CFAP91: variants seen among roughly 807,000 people sequenced by gnomAD.
CFAP91 encodes the protein cilia- and flagella-associated protein 91.
CFAP91 carries 85 observed loss-of-function variants against 95.9 expected under a neutral mutation model. That is an observed-to-expected ratio of 0.89 (90% CI 0.74 to 1.06). The LOEUF (loss-of-function observed/expected upper bound fraction) is 1.06, where lower values mean the gene tolerates loss of function less well. CFAP91 is among the 50% of genes least tolerant of loss of function. The pLI is 0.00. For synonymous variants in CFAP91, 335 were observed against 327.5 expected, an observed-to-expected ratio of 1.02 and a Z score of -0.25; for missense variants, 962 against 943.4, an observed-to-expected ratio of 1.02 and a Z score of -0.26.
At chr3:119,703,487 G>A (rs2053298997) in intron 1 of CFAP91, among the ~76,000 whole-genome samples, 1 of 152,200 alleles carries the variant, frequency 6.6e-6, no homozygotes, top group Non-Finnish European at 1.5e-5. Context: ...TGTTCCGGGC[G>A]TTTTGGTACC....
intron 6 of CFAP91, among the ~76,000 whole-genome samples, chr3:119,722,293 C>A (rs1272107856): frequency 6.6e-6 from 1 of 151,620 alleles, no homozygotes; most frequent in African/African-American, 2.4e-5. Context: ...CCCGTCTCTA[C>A]TAAAAATACA....
chr3:119,714,128 A>C (rs764151601), intron 5 of CFAP91, among the ~76,000 whole-genome samples: 4 of 151,848 alleles, frequency 2.6e-5, no homozygotes, highest in Non-Finnish European at 4.4e-5. Context: ...TTTGGGAGGC[A>C]GAGACGGGCG....
chr3:119,707,313 A>G (rs757527715), intron 2 of CFAP91, 91 bp from the exon 3 acceptor site: 9 of 975,818 alleles, frequency 9.2e-6, no homozygotes, highest in East Asian at 4.9e-5. Context: ...ATTGTTTTGT[A>G]TGTTTTTAAA....
chr3:119,747,777 A>G lies in CFAP91; in HGVS notation c.2052-34A>G, dbSNP rs760266397. The G allele has an allele frequency of 7.6e-6, 12 of 1,584,572 alleles. No homozygotes were observed. The African/African-American group carries it at 1.2e-4, about 16-fold the overall frequency. On this transcript the variant is annotated intron_variant, in intron 15 of 17. Coordinates refer to ENST00000273390, the MANE Select transcript of CFAP91 (RefSeq NM_033364.4). ...AATCAGCAGCTCAAGTGAAAAAACC[A>G]AAGAAATAATTCAATTTGTTTTATA...
chr3:119,744,047 A>G lies in CFAP91; in HGVS notation c.1753A>G (p.Lys585Glu), dbSNP rs2054173323. ...AGCAGACATGTTTGACTTCCTGTCC[A>G]AAGAGCTGGTGAGACTGCAGGAGGA... ...ALADMFDFLS[K>E]ELVRLQEERR... Residue 585 changes from lysine to glutamate, a missense_variant, in exon 14 of 18, where the codon AAA (lysine) becomes GAA (glutamate). Physicochemically the swap from Lys to Glu is moderately conservative, Grantham distance 56 (BLOSUM62 1). Coordinates refer to ENST00000273390, the MANE Select transcript of CFAP91 (RefSeq NM_033364.4). The G allele has an allele frequency of 3.1e-6, 5 of 1,614,156 alleles. No individual in the cohort carries two copies. The highest frequency in any genetic ancestry group is 1.6e-4 in the Middle Eastern group (1 of 6,062).
At chr3:119,703,570 A>G (rs1417933796) in intron 1 of CFAP91, among the ~76,000 whole-genome samples, 1 of 152,232 alleles carries the variant, frequency 6.6e-6, no homozygotes, top group Non-Finnish European at 1.5e-5. Flanking sequence ...TACAAAAATG[A>G]TCTTTTCTCT....
chr3:119,703,799 C>T (rs935159306), intron 1 of CFAP91, among the ~76,000 whole-genome samples: 1 of 152,138 alleles, frequency 6.6e-6, no homozygotes, highest in Admixed American at 6.5e-5. Context: ...CTCCACGCTC[C>T]TTGAGTTCCT....
At chr3:119,721,474 C>T (rs2053683176) in intron 6 of CFAP91, among the ~76,000 whole-genome samples, 1 of 152,154 alleles carries the variant, frequency 6.6e-6, no homozygotes, top group African/African-American at 2.4e-5. Flanking sequence ...AGATCTTAGC[C>T]CAGAGTTTAT....
chr3:119,753,274 G>T (rs1311511468), intron 17 of CFAP91, among the ~76,000 whole-genome samples: 2 of 152,216 alleles, frequency 1.3e-5, no homozygotes, highest in East Asian at 3.9e-4. Flanking sequence ...CTTGAGTCAA[G>T]GTTGGGGCCC....
chr3:119,704,291 T>A (rs2053318516), intron 1 of CFAP91, among the ~76,000 whole-genome samples: 1 of 152,244 alleles, frequency 6.6e-6, no homozygotes, highest in Admixed American at 6.5e-5. Context: ...TTGCTAAATG[T>A]TTCCATGTCC....
Position 119,767,054 on chromosome 3 carries a change from T to A in CFAP91, c.*2004T>A, listed in dbSNP as rs1481674753. On this transcript the variant is annotated 3_prime_UTR_variant, in exon 18 of 18. Transcript: ENST00000273390. ...CTCCAACTTTTCTAATTTTTGCTTT[T>A]GAAAATAAAACACCTATAGTGACAA... The A allele has an allele frequency of 6.6e-6, 1 of 152,170 alleles. No individual in the cohort carries two copies. The highest frequency in any genetic ancestry group is 1.9e-4 in the East Asian group (1 of 5,190). The allele number at this position is 152,170 out of a possible 1,614,324, so 9.4% of individuals were successfully genotyped here.
At chr3:119,743,165 T>C (rs1421993503) in intron 13 of CFAP91, among the ~76,000 whole-genome samples, 1 of 150,658 alleles carries the variant, frequency 6.6e-6, no homozygotes, top group Admixed American at 6.6e-5. Flanking sequence ...AGATGGAGTC[T>C]CACTCTGTCA....
At chr3:119,720,115 G>A (rs1174186407) in intron 6 of CFAP91, among the ~76,000 whole-genome samples, 4 of 150,508 alleles carry the variant, frequency 2.7e-5, no homozygotes, top group African/African-American at 9.8e-5. Context: ...GGGGCCGGAC[G>A]CGGTGGCTCA....
chr3:119,728,411 T>C (rs2053827787), intron 7 of CFAP91, among the ~76,000 whole-genome samples: 1 of 152,156 alleles, frequency 6.6e-6, no homozygotes, highest in Non-Finnish European at 1.5e-5. Flanking sequence ...CACTCTTAAA[T>C]TTGAGACTAT....
intron 6 of CFAP91, chr3:119,716,059 A>G (rs2107864296): frequency 1.9e-6 from 1 of 521,050 alleles, no homozygotes; most frequent in Non-Finnish European, 3.4e-6. Context: ...TCATTGAGCA[A>G]TCATACTTCT....
rs1559744521 is a variant in CFAP91 at position 119,706,796 on chromosome 3, G to A, written c.125-13G>A. 1 of 1,603,352 alleles carries A rather than the reference G, an allele frequency of 6.2e-7. No individual in the cohort carries two copies. Among genetic ancestry groups the A allele is most frequent in the Middle Eastern group, 1.7e-4 (1 of 6,044 alleles). ...GTTCTATCTGTTATGCTACTTGATT[G>A]TTTATTTTGCAGATCCATTGTTTAT... On this transcript the variant is annotated splice_polypyrimidine_tract_variant and intron_variant, in intron 1 of 17. Transcript: ENST00000273390.
rs202065099 is a variant in CFAP91 at position 119,744,143 on chromosome 3, C to G, written c.1849C>G (p.Arg617Gly). ...RRVREAEESG[R>G]RQVEKQRLRE... ...GGTACGAGAGGCTGAAGAGAGTGGT[C>G]GGCGCCAGGTGGAAAAACAGCGCCT... The change falls in exon 14 of 18, where the codon CGG becomes GGG. Residue 617 changes from arginine (R) to glycine (G), a missense_variant. By Grantham distance (125) the Arg-to-Gly change is moderately radical (BLOSUM62 -2). Coordinates refer to ENST00000273390, the MANE Select transcript of CFAP91 (RefSeq NM_033364.4). 3.1e-6 allele frequency: 5 copies of G among 1,613,590 alleles called. No homozygotes were observed. The South Asian group carries it at 4.4e-5, about 14-fold the overall frequency.
At chr3:119,738,018 T>C (rs1380674551) in intron 11 of CFAP91, among the ~76,000 whole-genome samples, 1 of 152,226 alleles carries the variant, frequency 6.6e-6, no homozygotes, top group Non-Finnish European at 1.5e-5. Context: ...CTGTTAGAGA[T>C]GCCATGATGC....
At chr3:119,737,909 C>T (rs2054041416) in intron 11 of CFAP91, among the ~76,000 whole-genome samples, 1 of 152,134 alleles carries the variant, frequency 6.6e-6, no homozygotes, top group Non-Finnish European at 1.5e-5. Flanking sequence ...CTCAAAGAGC[C>T]CTGCCCAGGG....
Sources: gnomAD v4.1 joint callset for allele counts (sites outside exome capture counted in the v4.1 genomes callset) on GRCh38, gnomAD v4.1.1 for gene constraint, MANE v1.5 for transcripts, NCBI Gene and HGNC (gene_info 2026-07-23, HGNC 2026-07-21) for gene names.